EYS: variants seen among roughly 807,000 people sequenced by gnomAD.
The protein encoded by EYS is EGF-like photoreceptor maintenance factor, also known as protein eyes shut homolog.
EYS carries 250 observed loss-of-function variants against 282.1 expected under a neutral mutation model. The observed-to-expected ratio is 0.89, with a 90% CI of 0.80 to 0.98. The LOEUF (loss-of-function observed/expected upper bound fraction) is 0.98, where lower values mean the gene tolerates loss of function less well. Among genes scored for constraint, EYS ranks in the 50% least tolerant of loss-of-function variants. The probability of loss-of-function intolerance (pLI) is 0.00; values close to 1 mark genes in which losing one functional copy is unlikely to be tolerated. For synonymous variants in EYS, 1,355 were observed against 1,282.9 expected (o/e 1.06, Z -1.20); for missense variants, 4,016 against 3,709.0 (o/e 1.08, Z -2.15).
chr6:64,175,790 A>G (rs1004203595), intron 31 of EYS, among the ~76,000 whole-genome samples: 2 of 152,172 alleles, frequency 1.3e-5, no homozygotes, highest in Non-Finnish European at 2.9e-5. Context: ...ATAAGAGCCA[A>G]TATCCCTAGA....
chr6:64,582,412 C>T, intron 26 of EYS, among the ~76,000 whole-genome samples: 1 of 152,044 alleles, frequency 6.6e-6, no homozygotes, highest in Non-Finnish European at 1.5e-5. Context: ...ATCCCCTAGC[C>T]CCCCATGGAA....
At chr6:65,290,479 C>T (rs530657389) in intron 12 of EYS, among the ~76,000 whole-genome samples, 8 of 151,184 alleles carry the variant, frequency 5.3e-5, no homozygotes, top group African/African-American at 1.9e-4. Flanking sequence ...TATTCTATGA[C>T]AATTATACTT....
intron 7 of EYS, among the ~76,000 whole-genome samples, chr6:65,401,654 A>C (rs1173110418): frequency 6.6e-6 from 1 of 151,900 alleles, no homozygotes; most frequent in African/African-American, 2.4e-5. Context: ...AATTTAAAAA[A>C]AATCTTTAAA....
chr6:65,496,478 C>A (rs1280356635), intron 2 of EYS, among the ~76,000 whole-genome samples: 3 of 151,858 alleles, frequency 2.0e-5, no homozygotes, highest in Admixed American at 2.0e-4. Context: ...CAATTAAACT[C>A]AAATTTTGAG....
chr6:64,289,511 G>A (rs991140564), intron 30 of EYS, among the ~76,000 whole-genome samples: 4 of 151,936 alleles, frequency 2.6e-5, no homozygotes, highest in South Asian at 2.1e-4. Context: ...ATACTTGAAC[G>A]GTATTTCAGA....
intron 22 of EYS, among the ~76,000 whole-genome samples, chr6:64,676,468 T>C (rs2149900748): frequency 6.6e-6 from 1 of 151,926 alleles, no homozygotes; most frequent in South Asian, 2.1e-4. Flanking sequence ...AAATAACTTA[T>C]TCTTTTGATT....
At chr6:64,533,659 G>A (rs1028234903) in intron 26 of EYS, among the ~76,000 whole-genome samples, 5 of 151,686 alleles carry the variant, frequency 3.3e-5, no homozygotes, top group South Asian at 2.1e-4. Context: ...ATTTGTCTTC[G>A]GCATATTTAT....
At chr6:65,094,997 T>C (rs1774697215) in intron 12 of EYS, among the ~76,000 whole-genome samples, 1 of 150,796 alleles carries the variant, frequency 6.6e-6, no homozygotes, top group Non-Finnish European at 1.5e-5. Flanking sequence ...ATAAAAAAAA[T>C]AGGAGATATT....
chr6:65,560,886 T>A (rs1039707697), intron 2 of EYS, among the ~76,000 whole-genome samples: 1 of 152,106 alleles, frequency 6.6e-6, no homozygotes, highest in African/African-American at 2.4e-5. Context: ...TTGTTGTAAG[T>A]TGCAGAGAGA....
intron 29 of EYS, among the ~76,000 whole-genome samples, chr6:64,357,883 C>A (rs1478481132): frequency 2.0e-5 from 3 of 151,512 alleles, no homozygotes; most frequent in African/African-American, 7.3e-5. Flanking sequence ...TAGTCTAATG[C>A]CAAGACTGAT....
intron 19 of EYS, among the ~76,000 whole-genome samples, chr6:64,826,973 G>C (rs971042188): frequency 6.6e-6 from 1 of 151,512 alleles, no homozygotes; most frequent in Admixed American, 6.6e-5. Flanking sequence ...TCGCTGCTCT[G>C]ATATTATCAA....
In EYS at chr6:63,880,003, T is replaced by C. The variant is rs1361690827; in HGVS notation, c.7056-15645A>G. Among the ~76,000 whole-genome samples, 3 of 152,204 alleles carry C rather than the reference T, an allele frequency of 2.0e-5. No homozygotes were observed. The South Asian group carries it at 6.2e-4, about 31-fold the overall frequency. On this transcript the variant is annotated intron_variant, in intron 35 of 42. Coordinates refer to ENST00000503581, the MANE Select transcript of EYS (RefSeq NM_001142800.2). Reference sequence around the variant, plus strand: ...TAATTCTGAAGTAGAGATGCTGTGATTTTATTTTAACTGTTGTATTATCTG... The same window carrying C: ...TAATTCTGAAGTAGAGATGCTGTGACTTTATTTTAACTGTTGTATTATCTG...
intron 26 of EYS, among the ~76,000 whole-genome samples, chr6:64,481,247 C>T (rs867424802): frequency 1.4e-5 from 2 of 142,152 alleles, no homozygotes; most frequent in Middle Eastern, 7.4e-3. Context: ...TGTATATATA[C>T]ATCTCTTATG....
chr6:64,819,909 G>T (rs1764849597), intron 21 of EYS, among the ~76,000 whole-genome samples: 1 of 151,906 alleles, frequency 6.6e-6, no homozygotes, highest in African/African-American at 2.4e-5. Context: ...AGTAGGCAAG[G>T]CACAAAGAAC....
intron 12 of EYS, among the ~76,000 whole-genome samples, chr6:65,114,695 C>T (rs781671146): frequency 2.0e-5 from 3 of 151,696 alleles, no homozygotes; most frequent in Non-Finnish European, 2.9e-5. Flanking sequence ...AGTTATTTAT[C>T]CCTCTTTGAT....
At chr6:63,903,047 G>A (rs1162179417) in intron 35 of EYS, among the ~76,000 whole-genome samples, 4 of 152,138 alleles carry the variant, frequency 2.6e-5, no homozygotes, top group Non-Finnish European at 4.4e-5. Context: ...GGTGCACTAA[G>A]GATCCATCAG....
intron 12 of EYS, among the ~76,000 whole-genome samples, chr6:65,166,875 G>A (rs937644540): frequency 6.6e-6 from 1 of 151,014 alleles, no homozygotes; most frequent in Non-Finnish European, 1.5e-5. Flanking sequence ...AAGTGGACAA[G>A]GAATTTGAAG....
chr6:63,744,510 A>T (rs1769161974), intron 41 of EYS: 6 of 151,554 alleles, frequency 4.0e-5, no homozygotes, highest in Admixed American at 3.9e-4. Flanking sequence ...AGCACTTTTA[A>T]CTTTCTTCTA....
chr6:65,460,215 G>A (rs1274123429), intron 5 of EYS, among the ~76,000 whole-genome samples: 1 of 150,570 alleles, frequency 6.6e-6, no homozygotes, highest in African/African-American at 2.4e-5. Context: ...TTCCTCCCTA[G>A]AGATAATCAC....
Sources: allele counts gnomAD v4.1 joint callset (sites outside exome capture counted in the v4.1 genomes callset), GRCh38; gene constraint gnomAD v4.1.1; transcripts MANE v1.5; gene names NCBI Gene and HGNC (gene_info 2026-07-23, HGNC 2026-07-21).